The following PRDM2 variants were observed in gnomAD, a reference collection of about 807,000 sequenced individuals.
PRDM2 encodes the protein PR domain zinc finger protein 2.
In PRDM2, 30 loss-of-function variants were observed where a neutral mutation model predicts 130.0. That is an observed-to-expected ratio of 0.23 (90% CI 0.17 to 0.31). The LOEUF (loss-of-function observed/expected upper bound fraction) is 0.31. PRDM2 is among the 10% of genes least tolerant of loss of function. The pLI, the probability that PRDM2 is intolerant of heterozygous loss-of-function variation, is 1.00. For synonymous variants in PRDM2, 871 were observed against 782.4 expected, an observed-to-expected ratio of 1.11 and a Z score of -1.89; for missense variants, 2,011 against 2,108.4, an observed-to-expected ratio of 0.95 and a Z score of 0.90.
chr1:13,782,839 C>T lies in PRDM2; in HGVS notation c.5036+8C>T, dbSNP rs750837323. 2 of 1,609,288 alleles carry T rather than the reference C, an allele frequency of 1.2e-6. No individual in the cohort carries two copies. The highest frequency in any genetic ancestry group is 3.3e-4 in the Middle Eastern group (2 of 6,044). On this transcript the variant is annotated splice_region_variant and intron_variant, in intron 8 of 9. Coordinates refer to ENST00000311066, the MANE Select transcript of PRDM2 (RefSeq NM_001393986.1). ...GGAGCTGAAGGACTTCAGGTAAGCT[C>T]AGGAGCTGGTGGGAGGGAAAGACCG...
At chr1:13,728,136 C>T (rs1416924512) in intron 2 of PRDM2, among the ~76,000 whole-genome samples, 4 of 152,104 alleles carry the variant, frequency 2.6e-5, no homozygotes, top group Non-Finnish European at 5.9e-5. Flanking sequence ...ATTTCTATCC[C>T]TCCTTTTTAA....
chr1:13,735,071 C>A (rs140031508), intron 4 of PRDM2, among the ~76,000 whole-genome samples: 4 of 152,156 alleles, frequency 2.6e-5, no homozygotes, highest in Non-Finnish European at 5.9e-5. Context: ...CCATCAAAGC[C>A]CCTAAGACCA....
intron 8 of PRDM2, among the ~76,000 whole-genome samples, chr1:13,815,763 G>C (rs573979581): frequency 6.6e-6 from 1 of 152,108 alleles, no homozygotes; most frequent in South Asian, 2.1e-4. Context: ...GTGGTTGGGG[G>C]TGCTTTTCTG....
intron 2 of PRDM2, among the ~76,000 whole-genome samples, chr1:13,719,779 T>C (rs910702780): frequency 2.1e-5 from 2 of 93,318 alleles, no homozygotes; most frequent in African/African-American, 4.7e-5. Context: ...AACTGAAGCT[T>C]GTTTGATTTT....
intron 6 of PRDM2, among the ~76,000 whole-genome samples, chr1:13,760,345 C>A (rs1472668143): frequency 6.6e-6 from 1 of 151,956 alleles, no homozygotes; most frequent in Admixed American, 6.6e-5. Context: ...AAAAAAAAAC[C>A]TGCCTAAAAA....
chr1:13,730,559 G>A (rs1643068471), intron 2 of PRDM2, among the ~76,000 whole-genome samples: 1 of 152,172 alleles, frequency 6.6e-6, no homozygotes, highest in African/African-American at 2.4e-5. Flanking sequence ...GGGTTGGAGG[G>A]CCCCAGTAGC....
intron 8 of PRDM2, among the ~76,000 whole-genome samples, chr1:13,801,149 A>G (rs1051823120): frequency 2.0e-5 from 3 of 152,180 alleles, no homozygotes; most frequent in African/African-American, 7.2e-5. Context: ...CATCGACGTG[A>G]GCGAGGACTG....
Position 13,781,640 on chromosome 1 carries a change from C to T in PRDM2, c.3845C>T (p.Thr1282Ile). The change falls in exon 8 of 10, where the codon ACA (threonine) becomes ATA (isoleucine). Residue 1282 changes from threonine to isoleucine, a missense_variant. Around this residue, in one of 5 missense-constraint regions of PRDM2, gnomAD observed 229 missense variants for 364.1 expected, o/e 0.63. Transcript: ENST00000311066. This position sits in a 1 kb window ranked among gnomAD's most constrained non-coding sequence, Gnocchi z 6.1. ...AAAATAATGGCTTCTGGAATAAAGA[C>T]AAAAGATCCAGATGTTCGATTGGGC... ...TIKIMASGIK[T>I]KDPDVRLGLN... The T allele has an allele frequency of 1.9e-6, 3 of 1,613,796 alleles. No individual in the cohort carries two copies. Among genetic ancestry groups the T allele is most frequent in the Non-Finnish European group, 2.5e-6 (3 of 1,179,986 alleles).
At chr1:13,713,167 C>CTCTTTAT (rs1406777895) in intron 1 of PRDM2, among the ~76,000 whole-genome samples, 1 of 152,126 alleles carries the variant, frequency 6.6e-6, no homozygotes, top group Non-Finnish European at 1.5e-5. Context: ...CTCTCCATAA[C>CTCTTTAT]TCTTTATTTT....
Position 13,775,940 on chromosome 1 carries a change from C to T in PRDM2, c.623-2478C>T, listed in dbSNP as rs562617581. ...TTCAGATACCTTCAGTGGCTCCCCA[C>T]TGTCCCCAGATAAGTCCACATTAAT... On this transcript the variant is annotated intron_variant, in intron 7 of 9. Transcript: ENST00000311066. Among the ~76,000 whole-genome samples, 17 of 152,348 alleles carry T rather than the reference C, an allele frequency of 1.1e-4. 1 individual carries two copies. Among genetic ancestry groups the T allele is most frequent in the African/African-American group, 4.1e-4 (17 of 41,586 alleles).
intron 9 of PRDM2, among the ~76,000 whole-genome samples, chr1:13,817,861 A>G (rs11586287): frequency 6.6e-6 from 1 of 152,084 alleles, no homozygotes; most frequent in East Asian, 1.9e-4. Context: ...TTAGCCGGGC[A>G]TGGTGGTGGG....
intron 7 of PRDM2, among the ~76,000 whole-genome samples, chr1:13,776,918 T>G (rs1389423706): frequency 1.3e-5 from 2 of 152,168 alleles, no homozygotes. Flanking sequence ...ATACCTTCTC[T>G]GGCCTTCTCT....
chr1:13,743,621 C>T (rs1643518194), intron 5 of PRDM2, among the ~76,000 whole-genome samples: 1 of 152,124 alleles, frequency 6.6e-6, no homozygotes, highest in African/African-American at 2.4e-5. Context: ...GAGTTGAACA[C>T]TTTTGATGAG....
intron 6 of PRDM2, among the ~76,000 whole-genome samples, chr1:13,757,344 G>A (rs1643981360): frequency 6.6e-6 from 1 of 152,048 alleles, no homozygotes; most frequent in Admixed American, 6.6e-5. Flanking sequence ...TTTCTCTTAG[G>A]TTTTATATTA....
intron 9 of PRDM2, among the ~76,000 whole-genome samples, chr1:13,818,318 A>T (rs553001185): frequency 1.8e-4 from 28 of 151,878 alleles, no homozygotes; most frequent in Middle Eastern, 3.5e-3. Flanking sequence ...TATGCCAGGA[A>T]GAGAAGACCC....
At chr1:13,805,801 G>C (rs1189844569) in intron 8 of PRDM2, among the ~76,000 whole-genome samples, 2 of 152,192 alleles carry the variant, frequency 1.3e-5, no homozygotes, top group Non-Finnish European at 2.9e-5. Flanking sequence ...GGTGCAAGGA[G>C]GGACCAGGGC....
At chr1:13,777,940 AT>A (rs1644514971) in intron 7 of PRDM2, among the ~76,000 whole-genome samples, 1 of 152,122 alleles carries the variant, frequency 6.6e-6, no homozygotes, top group African/African-American at 2.4e-5. Context: ...AGAGAGGATC[AT>A]TTACTCCAGA....
intron 5 of PRDM2, among the ~76,000 whole-genome samples, chr1:13,743,331 G>C (rs1368063547): frequency 1.3e-5 from 2 of 149,578 alleles, no homozygotes; most frequent in East Asian, 3.9e-4. Context: ...ACCTGGGAGG[G>C]AGGGTTTGCA....
chr1:13,767,666 G>A (rs1644260510), intron 6 of PRDM2, among the ~76,000 whole-genome samples: 1 of 152,010 alleles, frequency 6.6e-6, no homozygotes, highest in South Asian at 2.1e-4. Context: ...TAATGGATCT[G>A]TAGAGTGCTT....
Sources: allele counts gnomAD v4.1 joint callset (sites outside exome capture counted in the v4.1 genomes callset), GRCh38; gene constraint gnomAD v4.1.1; regional missense constraint gnomAD v4.1.1; non-coding constraint Gnocchi (gnomAD v3.1); transcripts MANE v1.5; gene names NCBI Gene and HGNC (gene_info 2026-07-23, HGNC 2026-07-21).